HELZ: variants seen among roughly 807,000 people sequenced by gnomAD.
The protein encoded by HELZ is helicase with zinc finger, also known as ATP-dependent RNA helicase with zinc finger domain.
HELZ carries 23 observed loss-of-function variants against 218.2 expected under a neutral mutation model. The ratio of observed to expected loss-of-function variants is 0.11; its 90% confidence interval spans 0.08 to 0.15. The LOEUF (loss-of-function observed/expected upper bound fraction) is 0.15. Among genes scored for constraint, HELZ ranks in the 10% least tolerant of loss-of-function variants. The pLI, the probability that HELZ is intolerant of heterozygous loss-of-function variation, is 1.00. For missense variants in HELZ, 1,813 were observed against 2,353.7 expected, an observed-to-expected ratio of 0.77 and a Z score of 4.75; for synonymous variants, 814 against 829.4, an observed-to-expected ratio of 0.98 and a Z score of 0.32.
intron 2 of HELZ, among the ~76,000 whole-genome samples, chr17:67,242,748 T>G (rs900689896): frequency 6.6e-6 from 1 of 151,882 alleles, no homozygotes; most frequent in African/African-American, 2.4e-5. Flanking sequence ...ATGCAGTATG[T>G]GCACTTACAA....
intron 8 of HELZ, among the ~76,000 whole-genome samples, chr17:67,194,522 C>T (rs1424744185): frequency 6.6e-6 from 1 of 152,148 alleles, no homozygotes; most frequent in Non-Finnish European, 1.5e-5. Context: ...TTGTCTGACA[C>T]GTCACTGTAG....
intron 31 of HELZ, among the ~76,000 whole-genome samples, chr17:67,101,680 C>T (rs2036935110): frequency 6.6e-6 from 1 of 152,148 alleles, no homozygotes; most frequent in South Asian, 2.1e-4. Flanking sequence ...CAAGAATTAA[C>T]TTCTGTTGTT....
At chr17:67,095,209 C>CA (rs1319892203) in intron 31 of HELZ, among the ~76,000 whole-genome samples, 8 of 152,070 alleles carry the variant, frequency 5.3e-5, no homozygotes, top group Middle Eastern at 3.4e-3. Flanking sequence ...GATTCCATCA[C>CA]AAAAAAACAC....
At chr17:67,198,311 G>A (rs902409382) in intron 7 of HELZ, among the ~76,000 whole-genome samples, 1 of 152,166 alleles carries the variant, frequency 6.6e-6, no homozygotes, top group African/African-American at 2.4e-5. Flanking sequence ...AATCAGTGAC[G>A]ACCCGCACGG....
rs1294103707 is a variant in HELZ, at chr17:67,086,947, G to A, written c.5376C>T (p.Asn1792=). Residue 1792 remains asparagine (N), a synonymous_variant, in exon 32 of 33, where the codon AAC becomes AAT. Coordinates refer to ENST00000358691, the MANE Select transcript of HELZ (RefSeq NM_014877.4). ...AQCKELQDHS[N]QSSFNFSSPE... Reference sequence around the variant, plus strand: ...GGGATGAAAAGTTGAAAGAAGATTGGTTACTGTGGTCCTGAAGCTCTTTAC... The same window carrying A: ...GGGATGAAAAGTTGAAAGAAGATTGATTACTGTGGTCCTGAAGCTCTTTAC... 7.4e-6 allele frequency: 12 copies of A among 1,613,734 alleles called. No individual in the cohort carries two copies. The highest frequency in any genetic ancestry group is 1.7e-6 in the Non-Finnish European group (2 of 1,179,998).
chr17:67,149,590 A>C (rs2038611184), intron 19 of HELZ, among the ~76,000 whole-genome samples: 1 of 152,208 alleles, frequency 6.6e-6, no homozygotes, highest in Non-Finnish European at 1.5e-5. Context: ...TCACAAAAAA[A>C]AGTAAGAATC....
chr17:67,192,284 C>A (rs1056682537), intron 9 of HELZ, among the ~76,000 whole-genome samples: 1 of 151,866 alleles, frequency 6.6e-6, no homozygotes, highest in Non-Finnish European at 1.5e-5. Context: ...TATTACAGAC[C>A]ATTTTTCAAT....
At position 67,128,717 on chromosome 17, in the gene HELZ, A is replaced by G; in HGVS notation, c.3321T>C (p.Phe1107=). 6.2e-7 allele frequency: 1 copy of G among 1,614,148 alleles called. No individual in the cohort carries two copies. Among genetic ancestry groups the G allele is most frequent in the Non-Finnish European group, 8.5e-7 (1 of 1,180,010 alleles). ...GCTGCAGTCTTAGAGCCCGGGGGAT[A>G]AATTCAGGTGCCAGCGGATTCAACA... The part of the protein sequence containing the change: ...TYVLNPLAPE[F]IPRALRLQHS... Residue 1107 remains phenylalanine, a synonymous_variant, in exon 24 of 33, where the codon TTT becomes TTC. Coordinates refer to ENST00000358691, the MANE Select transcript of HELZ (RefSeq NM_014877.4).
At chr17:67,166,723 T>C in intron 14 of HELZ, 115 bp from the exon 15 acceptor site, 1 of 797,528 alleles carries the variant, frequency 1.3e-6, no homozygotes, top group Non-Finnish European at 2.0e-6. Flanking sequence ...GAGATTCTTT[T>C]AAAGTATAAT....
At chr17:67,128,042 G>C (rs182812390) in intron 24 of HELZ, among the ~76,000 whole-genome samples, 111 of 152,214 alleles carry the variant, frequency 7.3e-4, no homozygotes, top group African/African-American at 2.5e-3. Flanking sequence ...TAGCAAATAA[G>C]CCGGCTGTCT....
chr17:67,120,495 G>A lies in HELZ; in HGVS notation c.3748C>T (p.Pro1250Ser). The A allele has an allele frequency of 6.2e-7, 1 of 1,613,884 alleles. No homozygotes were observed. The highest frequency in any genetic ancestry group is 8.5e-7 in the Non-Finnish European group (1 of 1,179,898). The change falls in exon 27 of 33, where the codon CCT becomes TCT. Residue 1250 changes from proline to serine, a missense_variant. Coordinates refer to ENST00000358691, the MANE Select transcript of HELZ (RefSeq NM_014877.4). ...LQTHGRGSPI[P>S]YGLGHHPPVT... Reference sequence around the variant, plus strand: ...GGTGGGTGATGTCCAAGGCCATAAGGAATAGGAGATCCTCGTCCATGTGTC... The same window carrying A: ...GGTGGGTGATGTCCAAGGCCATAAGAAATAGGAGATCCTCGTCCATGTGTC...
rs758537924 is a variant in HELZ, at chr17:67,087,011, G to C, written c.5312C>G (p.Ser1771Cys). 6.2e-7 allele frequency: 1 copy of C among 1,614,052 alleles called. No homozygotes were observed. The highest frequency in any genetic ancestry group is 2.2e-5 in the East Asian group (1 of 44,878). The part of the protein sequence containing the change: ...RISSSSVQPC[S>C]EEVSTPQDSL... ...GTCTTGAGGAGTGCTTACTTCTTCA[G>C]AACAAGGTTGAACTGAGCTAGATGA... The change falls in exon 32 of 33, where the codon TCT becomes TGT. Residue 1771 changes from serine to cysteine, a missense_variant. By Grantham distance (112) the Ser-to-Cys change is moderately radical (BLOSUM62 -1). This residue lies in a region of HELZ where 938 missense variants were observed against 1,027.5 expected (regional missense o/e 0.91). Coordinates refer to ENST00000358691, the MANE Select transcript of HELZ (RefSeq NM_014877.4).
At chr17:67,158,932 G>A (rs955790010) in intron 17 of HELZ, among the ~76,000 whole-genome samples, 3 of 152,062 alleles carry the variant, frequency 2.0e-5, no homozygotes, top group South Asian at 2.1e-4. Flanking sequence ...ATGCTAAGTC[G>A]ACCGAGATTT....
intron 7 of HELZ, among the ~76,000 whole-genome samples, chr17:67,198,490 T>C (rs2040087817): frequency 6.6e-6 from 1 of 152,340 alleles, no homozygotes; most frequent in Non-Finnish European, 1.5e-5. Context: ...TATGCACTTA[T>C]ACTCCAAAAC....
At chr17:67,213,739 G>A (rs1254856123) in intron 5 of HELZ, among the ~76,000 whole-genome samples, 1 of 152,106 alleles carries the variant, frequency 6.6e-6, no homozygotes, top group East Asian at 1.9e-4. Flanking sequence ...GTTTATTACA[G>A]GATGGTTTAT....
intron 12 of HELZ, 54 bp from the exon 13 acceptor site, chr17:67,178,980 A>T: frequency 5.1e-6 from 6 of 1,175,730 alleles, no homozygotes; most frequent in Non-Finnish European, 7.2e-6. Context: ...AAAATTTTTA[A>T]ATAACATTAA....
chr17:67,136,058 T>C lies in HELZ; in HGVS notation c.3094A>G (p.Lys1032Glu). The C allele has an allele frequency of 6.2e-7, 1 of 1,613,944 alleles. No homozygotes were observed. Among genetic ancestry groups the C allele is most frequent in the South Asian group, 1.1e-5 (1 of 91,080 alleles). ...CTTGTGATGGCAGTATTGAGAAGCT[T>C]GTAGTTAGATAAAAAACCATAATCT... ...DLDYGFLSNY[K>E]LLNTAITRAQ... Residue 1032 changes from lysine to glutamate, a missense_variant, in exon 23 of 33, where the codon AAG becomes GAG. Physicochemically the swap from Lys to Glu is moderately conservative, Grantham distance 56 (BLOSUM62 1). This residue lies in a region of HELZ where 156 missense variants were observed against 274.4 expected (regional missense o/e 0.57). Transcript: ENST00000358691.
In HELZ at chr17:67,232,290, C is replaced by CA. The variant is rs563790980; in HGVS notation, c.-19+7142dup. Among the ~76,000 whole-genome samples, 698 of 152,020 alleles carry CA rather than the reference C, an allele frequency of 4.6e-3. 5 individuals carry two copies. The highest frequency in any genetic ancestry group is 0.022 in the South Asian group (107 of 4,824). The stretch of plus-strand genomic sequence containing the variant: ...TCCTGAGTAGCTGAGATTACAGGCA[C>CA]ACACCACCATAACCGGCTATGCCCG... On this transcript the variant is annotated intron_variant, in intron 3 of 32. Coordinates refer to ENST00000358691, the MANE Select transcript of HELZ (RefSeq NM_014877.4).
At chr17:67,093,585 C>T (rs2036638429) in intron 31 of HELZ, among the ~76,000 whole-genome samples, 1 of 152,158 alleles carries the variant, frequency 6.6e-6, no homozygotes, top group Non-Finnish European at 1.5e-5. Context: ...GCCATGGGAG[C>T]TCCTGGTCAG....
Sources: allele counts gnomAD v4.1 joint callset (sites outside exome capture counted in the v4.1 genomes callset), GRCh38; gene constraint gnomAD v4.1.1; regional missense constraint gnomAD v4.1.1; transcripts MANE v1.5; gene names NCBI Gene and HGNC (gene_info 2026-07-23, HGNC 2026-07-21).